BRIP1: variants seen among roughly 807,000 people sequenced by gnomAD.
BRIP1 encodes the protein Fanconi anemia group J protein.
In BRIP1, 88 loss-of-function variants were observed where a neutral mutation model predicts 119.7. That is an observed-to-expected ratio of 0.74 (90% confidence interval 0.62 to 0.88). The LOEUF (loss-of-function observed/expected upper bound fraction) is 0.88, where lower values mean the gene tolerates loss of function less well. Among genes scored for constraint, BRIP1 ranks in the 40% least tolerant of loss-of-function variants. BRIP1 has a pLI of 0.00. For synonymous variants in BRIP1, 443 were observed against 496.5 expected (o/e 0.89, Z 1.43); for missense variants, 1,259 against 1,455.4 (o/e 0.87, Z 2.20).
At position 61,693,553 on chromosome 17, in the gene BRIP1, G is replaced by A. The variant is rs767715931; in HGVS notation, c.2493-41C>T. The A allele has an allele frequency of 5.3e-6, 8 of 1,521,740 alleles. No individual in the cohort carries two copies. The highest frequency in any genetic ancestry group is 3.6e-6 in the Non-Finnish European group (4 of 1,097,086). The allele number at this position is 1,521,740 out of a possible 1,614,324, so 94.3% of individuals were successfully genotyped here. The stretch of plus-strand genomic sequence containing the variant: ...AAAAAGTCAAATAATTATAACATCG[G>A]AAATAAATCCAGTTTTCCAGTGGGA... On this transcript the variant is annotated intron_variant, in intron 17 of 19. Coordinates refer to ENST00000259008, the MANE Select transcript of BRIP1 (RefSeq NM_032043.3). This position sits in a 1 kb window ranked among gnomAD's most constrained non-coding sequence, Gnocchi z 4.2.
chr17:61,722,323 G>A lies in BRIP1; in HGVS notation c.2380-6260C>T, dbSNP rs1209862362. Among the ~76,000 whole-genome samples the A allele has an allele frequency of 6.6e-6, 1 of 152,104 alleles. No homozygotes were observed. Among genetic ancestry groups the A allele is most frequent in the Admixed American group, 6.5e-5 (1 of 15,276 alleles). ...CCCAAAGGGCTGAGATTACAGGCAT[G>A]GAGCCACTGCCCCCAGCCCAACTTT... is the stretch of plus-strand genomic sequence containing the variant. On this transcript the variant is annotated intron_variant, in intron 16 of 19. Transcript: ENST00000259008. This position sits in a 1 kb window ranked among gnomAD's most constrained non-coding sequence, Gnocchi z 4.6.
chr17:61,692,690 G>T (rs2061465705), intron 18 of BRIP1, among the ~76,000 whole-genome samples: 1 of 152,094 alleles, frequency 6.6e-6, no homozygotes, highest in Non-Finnish European at 1.5e-5. Flanking sequence ...GAGCCATTAT[G>T]AAATTTTAAA....
chr17:61,830,176 C>T (rs892814888), intron 6 of BRIP1, among the ~76,000 whole-genome samples: 4 of 151,668 alleles, frequency 2.6e-5, no homozygotes, highest in East Asian at 1.9e-4. Context: ...TCAGGTGATA[C>T]GCTCGCCTCA....
At position 61,710,672 on chromosome 17, in the gene BRIP1, G is replaced by T. The variant is rs1293349451; in HGVS notation, c.2492+5279C>A. ...GTGAAAAATTCGGTGGCTAGAGGTA[G>T]AGGATAAGGATGAAAAAGCAGGTAT... is the stretch of plus-strand genomic sequence containing the variant. On this transcript the variant is annotated intron_variant, in intron 17 of 19. Transcript: ENST00000259008. This position sits in a 1 kb window ranked among gnomAD's most constrained non-coding sequence, Gnocchi z 5.4. Among the ~76,000 whole-genome samples, 1 of 152,226 alleles carries T rather than the reference G, an allele frequency of 6.6e-6. No individual in the cohort carries two copies.
Position 61,759,955 on chromosome 17 carries a change from T to C in BRIP1, c.2098-15364A>G, listed in dbSNP as rs1392884075. On this transcript the variant is annotated intron_variant, in intron 14 of 19. Coordinates refer to ENST00000259008, the MANE Select transcript of BRIP1 (RefSeq NM_032043.3). The surrounding 1 kb of genome is among the most constrained non-coding windows in gnomAD (Gnocchi z 4.9). ...AAAGCACAATAAAATAAGGTATTCC[T>C]GTACAGAATATCCCATTCAAGAGCA... Among the ~76,000 whole-genome samples, 1 of 151,308 alleles carries C rather than the reference T, an allele frequency of 6.6e-6. No individual in the cohort carries two copies.
At chr17:61,812,584 T>A (rs1402385869) in intron 6 of BRIP1, among the ~76,000 whole-genome samples, 3 of 151,132 alleles carry the variant, frequency 2.0e-5, no homozygotes, top group African/African-American at 7.3e-5. Context: ...CCCAAGTAAC[T>A]GCAAAAATAT....
Position 61,851,096 on chromosome 17 carries a change from T to C in BRIP1, c.380-1840A>G, listed in dbSNP as rs1007299636. Reference sequence around the variant, plus strand: ...TACAAAAATTAGCTGGGCATGGTGGTGCATGCCTGTAATCCCAGCTACTTG... The same window carrying C: ...TACAAAAATTAGCTGGGCATGGTGGCGCATGCCTGTAATCCCAGCTACTTG... On this transcript the variant is annotated intron_variant, in intron 4 of 19. Transcript: ENST00000259008. The surrounding 1 kb of genome is among the most constrained non-coding windows in gnomAD (Gnocchi z 4.6). Among the ~76,000 whole-genome samples, 3 of 151,356 alleles carry C rather than the reference T, an allele frequency of 2.0e-5. No homozygotes were observed. Among genetic ancestry groups the C allele is most frequent in the African/African-American group, 7.3e-5 (3 of 41,184 alleles).
chr17:61,702,323 G>A (rs2061627591), intron 17 of BRIP1, among the ~76,000 whole-genome samples: 1 of 152,162 alleles, frequency 6.6e-6, no homozygotes, highest in Non-Finnish European at 1.5e-5. Context: ...TATAGAGGCA[G>A]ATTGCATGTC....
Position 61,720,249 on chromosome 17 carries a change from AAGG to A in BRIP1, c.2380-4189_2380-4187del, listed in dbSNP as rs750071403. ...ATATTACATCATTTCAAATAACTAG[AAGG>A]AGGAGATTACATGTTCCATACACAA... On this transcript the variant is annotated intron_variant, in intron 16 of 19. Coordinates refer to ENST00000259008, the MANE Select transcript of BRIP1 (RefSeq NM_032043.3). The surrounding 1 kb of genome is among the most constrained non-coding windows in gnomAD (Gnocchi z 4.3). Among the ~76,000 whole-genome samples, 18 of 152,312 alleles carry A rather than the reference AAGG, an allele frequency of 1.2e-4. No individual in the cohort carries two copies. The highest frequency in any genetic ancestry group is 1.9e-4 in the East Asian group (1 of 5,184).
In BRIP1 at chr17:61,683,658, T is replaced by C. The variant is rs786202549; in HGVS notation, c.3388A>G (p.Ile1130Val). The change falls in exon 20 of 20, where the codon ATC (isoleucine) becomes GTC (valine). Residue 1130 changes from isoleucine to valine, a missense_variant. Physicochemically the swap from Ile to Val is conservative, Grantham distance 29 (BLOSUM62 3). Coordinates refer to ENST00000259008, the MANE Select transcript of BRIP1 (RefSeq NM_032043.3). The surrounding 1 kb of genome is among the most constrained non-coding windows in gnomAD (Gnocchi z 4.7). ...TCATAAAGTTCAGGTGTAAAATAGA[T>C]AGATTCATCTTCTGCTTCTGTTTCA... ...DFETEAEDES[I>V]YFTPELYDPE... is the part of the protein sequence containing the mutation. 1.2e-6 allele frequency: 2 copies of C among 1,613,184 alleles called. No homozygotes were observed. Among genetic ancestry groups the C allele is most frequent in the African/African-American group, 2.7e-5 (2 of 74,948 alleles).
chr17:61,708,376 C>T lies in BRIP1; in HGVS notation c.2492+7575G>A, dbSNP rs1398659661. Among the ~76,000 whole-genome samples, 2 of 152,124 alleles carry T rather than the reference C, an allele frequency of 1.3e-5. No homozygotes were observed. The highest frequency in any genetic ancestry group is 2.9e-5 in the Non-Finnish European group (2 of 68,014). On this transcript the variant is annotated intron_variant, in intron 17 of 19. Transcript: ENST00000259008. This position sits in a 1 kb window ranked among gnomAD's most constrained non-coding sequence, Gnocchi z 4.4. ...ATGTCCATGCTGTATACTCTTTTTGCCCATTAGTCACTTAGTAGCCATCTT... is the reference window on the plus strand; with the variant it reads ...ATGTCCATGCTGTATACTCTTTTTGTCCATTAGTCACTTAGTAGCCATCTT...
intron 18 of BRIP1, among the ~76,000 whole-genome samples, chr17:61,688,327 A>G (rs1411577559): frequency 6.6e-6 from 1 of 152,128 alleles, no homozygotes; most frequent in East Asian, 1.9e-4. Context: ...CAAAAAATAC[A>G]AGAATTAACT....
intron 13 of BRIP1, among the ~76,000 whole-genome samples, chr17:61,779,322 G>C (rs1283372528): frequency 6.6e-6 from 1 of 152,194 alleles, no homozygotes; most frequent in Non-Finnish European, 1.5e-5. Flanking sequence ...CATGCCTGTA[G>C]TCCCAGCTAC....
intron 6 of BRIP1, among the ~76,000 whole-genome samples, chr17:61,821,460 C>T (rs1379742294): frequency 6.6e-6 from 1 of 151,946 alleles, no homozygotes; most frequent in African/African-American, 2.4e-5. Flanking sequence ...GGTTCCCTGC[C>T]TCCAGACCCT....
Position 61,798,238 on chromosome 17 carries a change from C to G in BRIP1, c.1340+862G>C, listed in dbSNP as rs1426921256. ...TTTAAACTGAGAAAGCTTTCTAGGT[C>G]TTAACATGGAAAGGTCTCCAAAATA... is the stretch of plus-strand genomic sequence containing the variant. On this transcript the variant is annotated intron_variant, in intron 9 of 19. Coordinates refer to ENST00000259008, the MANE Select transcript of BRIP1 (RefSeq NM_032043.3). The surrounding 1 kb of genome is among the most constrained non-coding windows in gnomAD (Gnocchi z 5.5). Among the ~76,000 whole-genome samples, 1 of 151,408 alleles carries G rather than the reference C, an allele frequency of 6.6e-6. No homozygotes were observed.
rs1034074951 is a variant in BRIP1, at chr17:61,720,235, T to C, written c.2380-4172A>G. 6.6e-6 allele frequency among the ~76,000 whole-genome samples: 1 copy of C among 152,170 alleles called. No individual in the cohort carries two copies. The highest frequency in any genetic ancestry group is 1.5e-5 in the Non-Finnish European group (1 of 68,038). On this transcript the variant is annotated intron_variant, in intron 16 of 19. Transcript: ENST00000259008. This position sits in a 1 kb window ranked among gnomAD's most constrained non-coding sequence, Gnocchi z 4.3. ...GACTATAGTTAACAATATTACATCA[T>C]TTCAAATAACTAGAAGGAGGAGATT...
intron 10 of BRIP1, among the ~76,000 whole-genome samples, chr17:61,786,479 C>T (rs1449709893): frequency 1.3e-5 from 2 of 151,192 alleles, no homozygotes; most frequent in African/African-American, 4.9e-5. Flanking sequence ...TATAGGTATA[C>T]TACTTTGGTA....
rs1166279721 is a variant in BRIP1, at chr17:61,786,830, TATATA to T, written c.1474-2411_1474-2407del. ...TTATATATTTTATATAAATATATTT[TATATA>T]ATATATTTATATAAAATATATATTC... On this transcript the variant is annotated intron_variant, in intron 10 of 19. Transcript: ENST00000259008. 1.5e-4 allele frequency among the ~76,000 whole-genome samples: 19 copies of T among 127,464 alleles called. No homozygotes were observed. In the South Asian group the frequency reaches 2.0e-3, roughly 14 times the overall value. 83.6% of individuals were successfully genotyped at this position (127,464 alleles called of 152,430 possible).
intron 14 of BRIP1, among the ~76,000 whole-genome samples, chr17:61,750,484 A>G (rs1037321939): frequency 2.0e-5 from 3 of 152,230 alleles, no homozygotes; most frequent in African/African-American, 7.2e-5. Context: ...CATCAAAAGC[A>G]TAAGTAACTA....
Sources: allele counts gnomAD v4.1 joint callset (sites outside exome capture counted in the v4.1 genomes callset), GRCh38; gene constraint gnomAD v4.1.1; non-coding constraint Gnocchi (gnomAD v3.1); transcripts MANE v1.5; gene names NCBI Gene and HGNC (gene_info 2026-07-23, HGNC 2026-07-21).